The following SV2C variants were observed in gnomAD, a reference collection of about 807,000 sequenced individuals.
SV2C encodes the protein synaptic vesicle glycoprotein 2C, also known as solute carrier family 22 member B3.
In SV2C, 49 loss-of-function variants were observed where a neutral mutation model predicts 79.7. The ratio of observed to expected loss-of-function variants is 0.61; its 90% CI spans 0.49 to 0.78. The LOEUF (loss-of-function observed/expected upper bound fraction) is 0.78. Ranked by LOEUF, SV2C falls within the 30% of genes least tolerant of loss-of-function variation. The pLI is 0.00. For synonymous variants in SV2C, 334 were observed against 333.2 expected (o/e 1.00, Z -0.03); for missense variants, 833 against 912.9 (o/e 0.91, Z 1.13).
At chr5:76,046,261 A>G in the SV2C span, among the ~76,000 whole-genome samples, 1 of 151,722 alleles carries the variant, frequency 6.6e-6, no homozygotes. Context: ...TTTATAATCC[A>G]AAGGCCACCC....
rs1309621338 is a variant in SV2C, at chr5:76,331,656, CCTTT to C, written c.*6110_*6113del. 6.6e-6 allele frequency: 1 copy of C among 152,258 alleles called. No homozygotes were observed. Among genetic ancestry groups the C allele is most frequent in the Non-Finnish European group, 1.5e-5 (1 of 68,136 alleles). 9.4% of individuals were successfully genotyped at this position (152,258 alleles called of 1,614,324 possible). A position where few individuals can be genotyped will look rare whatever the true frequency, so the allele number is the denominator to read the frequency against. On this transcript the variant is annotated 3_prime_UTR_variant, in exon 13 of 13. Transcript: ENST00000502798. Reference sequence around the variant, plus strand: ...TCCTCAGGGCAGTGCCCACTCATTTCCTTTATTTCCCTTTTGTTTTTTTTCTTTT... The same window carrying C: ...TCCTCAGGGCAGTGCCCACTCATTTCATTTCCCTTTTGTTTTTTTTCTTTT...
In SV2C at chr5:76,195,079, T is replaced by G; in HGVS notation, c.741T>G (p.Cys247Trp). The G allele has an allele frequency of 1.2e-6, 2 of 1,613,742 alleles. No homozygotes were observed. Among genetic ancestry groups the G allele is most frequent in the Non-Finnish European group, 8.5e-7 (1 of 1,179,866 alleles). ...AAGGTTATGGCTTCTTTCTCTTCTG[T>G]CGCTTACTTTCTGGATTCGGGTAAG... Reference protein sequence around the residue: ...FVQGYGFFLFCRLLSGFGIGG... With the variant: ...FVQGYGFFLFWRLLSGFGIGG... Residue 247 changes from cysteine (C) to tryptophan (W), a missense_variant, in exon 3 of 13, where the codon TGT becomes TGG. Transcript: ENST00000502798.
intron 1 of SV2C, among the ~76,000 whole-genome samples, chr5:76,126,946 T>C (rs1157894487): frequency 1.3e-5 from 2 of 152,248 alleles, no homozygotes; most frequent in Non-Finnish European, 2.9e-5. Flanking sequence ...TTTGTGAGCA[T>C]TATTGTGTGA....
chr5:76,168,237 T>G (rs1471567411), intron 2 of SV2C, among the ~76,000 whole-genome samples: 2 of 152,120 alleles, frequency 1.3e-5, no homozygotes, highest in Non-Finnish European at 2.9e-5. Context: ...TTTCACTGGA[T>G]GGTTCCTTCT....
the SV2C span, among the ~76,000 whole-genome samples, chr5:75,962,849 C>A: frequency 6.6e-6 from 1 of 152,010 alleles, no homozygotes; most frequent in East Asian, 1.9e-4. Flanking sequence ...ATGGTTCCCA[C>A]AGAATAATTG....
chr5:76,000,478 A>G, the SV2C span, among the ~76,000 whole-genome samples: 1 of 152,100 alleles, frequency 6.6e-6, no homozygotes, highest in African/African-American at 2.4e-5. Context: ...CATCTGCTGA[A>G]ACTCTGGAGG....
chr5:76,310,165 A>G (rs1252224948), intron 12 of SV2C, among the ~76,000 whole-genome samples: 2 of 152,286 alleles, frequency 1.3e-5, no homozygotes, highest in Non-Finnish European at 2.9e-5. Flanking sequence ...CTTATATTCT[A>G]TAATAGTTTG....
chr5:76,101,525 A>T (rs891178060), intron 1 of SV2C, among the ~76,000 whole-genome samples: 1 of 152,176 alleles, frequency 6.6e-6, no homozygotes, highest in African/African-American at 2.4e-5. Flanking sequence ...GCCTGTTCTC[A>T]TGGAGTTTAC....
upstream of SV2C, among the ~76,000 whole-genome samples, chr5:76,080,090 A>C (rs1056802537): frequency 6.6e-6 from 1 of 151,294 alleles, no homozygotes; most frequent in Non-Finnish European, 1.5e-5. Context: ...TAGACTTTCA[A>C]TTTGGATGTT....
chr5:76,244,374 A>G (rs944645072), intron 4 of SV2C, among the ~76,000 whole-genome samples: 8 of 152,348 alleles, frequency 5.3e-5, no homozygotes, highest in African/African-American at 1.9e-4. Flanking sequence ...CCTGCCTTCA[A>G]AGAGTTTTGG....
chr5:75,913,225 G>C, the SV2C span, among the ~76,000 whole-genome samples: 1 of 152,172 alleles, frequency 6.6e-6, no homozygotes, highest in African/African-American at 2.4e-5. Flanking sequence ...GGGTTAAAGT[G>C]GGTTTGGCCA....
At chr5:75,866,153 A>G in the SV2C span, among the ~76,000 whole-genome samples, 2 of 152,012 alleles carry the variant, frequency 1.3e-5, no homozygotes, top group South Asian at 4.2e-4. Flanking sequence ...TCTTTTACCT[A>G]TTTTTCGTAA....
the SV2C span, among the ~76,000 whole-genome samples, chr5:75,931,054 A>C: frequency 6.6e-6 from 1 of 152,192 alleles, no homozygotes; most frequent in Non-Finnish European, 1.5e-5. Context: ...GAATTGCTTA[A>C]ACCTGGGAGG....
intron 2 of SV2C, among the ~76,000 whole-genome samples, chr5:76,183,038 T>C (rs1743799598): frequency 6.9e-6 from 1 of 144,396 alleles, no homozygotes; most frequent in Non-Finnish European, 1.5e-5. Flanking sequence ...CCATTTTTTT[T>C]TTTTTTTTTT....
chr5:76,078,738 G>A (rs1746926980), upstream of SV2C: 2 of 563,642 alleles, frequency 3.5e-6, no homozygotes, highest in Non-Finnish European at 7.1e-6. Context: ...CATTCTAAAA[G>A]GCCTCCAGTC....
chr5:76,115,142 A>G (rs995602913), intron 1 of SV2C, among the ~76,000 whole-genome samples: 3 of 152,192 alleles, frequency 2.0e-5, no homozygotes, highest in Non-Finnish European at 4.4e-5. Flanking sequence ...GGGATGTTGT[A>G]GAGTTTCTGT....
At chr5:76,052,589 C>A in the SV2C span, among the ~76,000 whole-genome samples, 1 of 152,264 alleles carries the variant, frequency 6.6e-6, no homozygotes, top group South Asian at 2.1e-4. Flanking sequence ...CCTTTTGAGC[C>A]CGTCTGATGG....
chr5:76,115,812 C>T (rs751924539), intron 1 of SV2C, among the ~76,000 whole-genome samples: 4 of 152,212 alleles, frequency 2.6e-5, no homozygotes, highest in Non-Finnish European at 4.4e-5. Context: ...AAGGCCCTTA[C>T]TGTGGCTCTC....
At chr5:76,149,340 C>T (rs1033507556) in intron 2 of SV2C, among the ~76,000 whole-genome samples, 1 of 152,152 alleles carries the variant, frequency 6.6e-6, no homozygotes, top group Non-Finnish European at 1.5e-5. Context: ...AGACATCATG[C>T]AGATGCAGGT....
Sources: gnomAD v4.1 joint callset for allele counts (sites outside exome capture counted in the v4.1 genomes callset) on GRCh38, gnomAD v4.1.1 for gene constraint, MANE v1.5 for transcripts, NCBI Gene and HGNC (gene_info 2026-07-23, HGNC 2026-07-21) for gene names.